FAT3: variants seen among roughly 807,000 people sequenced by gnomAD.
FAT3 encodes FAT atypical cadherin 3.
Under a neutral mutation model 310.2 loss-of-function variants are expected in FAT3, and 95 were observed. The ratio of observed to expected loss-of-function variants is 0.31; its 90% CI spans 0.26 to 0.36. FAT3 has a LOEUF of 0.36. Ranked by LOEUF, FAT3 falls within the 10% of genes least tolerant of loss-of-function variation. The pLI is 1.00. For synonymous variants in FAT3, 2,314 were observed against 2,192.9 expected, an observed-to-expected ratio of 1.06 and a Z score of -1.54; for missense variants, 5,408 against 5,715.6, an observed-to-expected ratio of 0.95 and a Z score of 1.74.
At position 92,467,824 on chromosome 11, in the gene FAT3, C is replaced by T. The variant is rs937671900; in HGVS notation, c.3293-56810C>T. On this transcript the variant is annotated intron_variant, in intron 2 of 27. Transcript: ENST00000525166. Reference sequence around the variant, plus strand: ...TGTTTCTCCAATCCTAGGACTGCAGCATTAACTTCCTTCTTCTATCCTGTA... The same window carrying T: ...TGTTTCTCCAATCCTAGGACTGCAGTATTAACTTCCTTCTTCTATCCTGTA... Among the ~76,000 whole-genome samples the T allele has an allele frequency of 7.2e-5, 11 of 152,318 alleles. No homozygotes were observed. The South Asian group carries it at 2.1e-3, about 29-fold the overall frequency.
chr11:92,732,149 T>G (rs888537544), intron 4 of FAT3, among the ~76,000 whole-genome samples: 1 of 152,208 alleles, frequency 6.6e-6, no homozygotes, highest in South Asian at 2.1e-4. Flanking sequence ...TTTCTTACGC[T>G]AGGTACTGTT....
chr11:92,641,455 G>A (rs1454392905), intron 3 of FAT3, among the ~76,000 whole-genome samples: 1 of 152,152 alleles, frequency 6.6e-6, no homozygotes, highest in Non-Finnish European at 1.5e-5. Context: ...GTTTCCGCAA[G>A]GCCATGCCCT....
intron 1 of FAT3, among the ~76,000 whole-genome samples, chr11:92,315,433 C>T (rs1217825464): frequency 6.9e-6 from 1 of 143,942 alleles, no homozygotes; most frequent in African/African-American, 2.6e-5. Context: ...TTAGTCAAAC[C>T]TCAGTGTGTG....
intron 3 of FAT3, among the ~76,000 whole-genome samples, chr11:92,696,962 AAGTT>A (rs1165729339): frequency 6.6e-6 from 1 of 152,216 alleles, no homozygotes; most frequent in Non-Finnish European, 1.5e-5. Flanking sequence ...GTGCATATAA[AAGTT>A]AAGTAAGAAA....
At chr11:92,757,548 G>T (rs904597349) in intron 4 of FAT3, among the ~76,000 whole-genome samples, 3 of 152,104 alleles carry the variant, frequency 2.0e-5, no homozygotes, top group Admixed American at 1.3e-4. Context: ...GAGGTTTCAG[G>T]CCTAACGTAT....
chr11:92,675,646 G>A (rs564022900), intron 3 of FAT3, among the ~76,000 whole-genome samples: 1 of 152,268 alleles, frequency 6.6e-6, no homozygotes, highest in Non-Finnish European at 1.5e-5. Flanking sequence ...TAATCATACT[G>A]TCTTAGGTTA....
In FAT3 at chr11:92,753,773, G is replaced by GGTGTGTGTGTGTGTGT. The variant is rs145467493; in HGVS notation, c.3670-8072_3670-8057dup. Among the ~76,000 whole-genome samples the GGTGTGTGTGTGTGTGT allele has an allele frequency of 1.1e-3, 138 of 127,884 alleles. 1 individual carries two copies. The highest frequency in any genetic ancestry group is 4.2e-3 in the African/African-American group (124 of 29,268). 83.9% of individuals were successfully genotyped at this position (127,884 alleles called of 152,430 possible). On this transcript the variant is annotated intron_variant, in intron 4 of 27. Coordinates refer to ENST00000525166, the MANE Select transcript of FAT3 (RefSeq NM_001367949.2). Reference sequence around the variant, plus strand: ...AAGAAGTCTTGGATAAAGAAACTGTGGTGTGTGTGTGTGTGTGTGTGTGTG... The same window carrying GGTGTGTGTGTGTGTGT: ...AAGAAGTCTTGGATAAAGAAACTGTGGTGTGTGTGTGTGTGTGTGTGTGTGTGTGTGTGTGTGTGTG...
At chr11:92,533,143 C>G (rs971686398) in intron 3 of FAT3, among the ~76,000 whole-genome samples, 1 of 152,104 alleles carries the variant, frequency 6.6e-6, no homozygotes, top group Non-Finnish European at 1.5e-5. Flanking sequence ...AAGCAATTCT[C>G]TTAGCCTCCC....
At chr11:92,263,617 A>AGG (rs1865645504) in intron 1 of FAT3, among the ~76,000 whole-genome samples, 1 of 145,606 alleles carries the variant, frequency 6.9e-6, no homozygotes, top group Non-Finnish European at 1.5e-5. Flanking sequence ...ATTTGAATAT[A>AGG]AGTGTGTGTG....
intron 1 of FAT3, among the ~76,000 whole-genome samples, chr11:92,311,073 T>A (rs984742158): frequency 6.6e-6 from 1 of 151,796 alleles, no homozygotes; most frequent in Non-Finnish European, 1.5e-5. Flanking sequence ...TGTGTACATA[T>A]ACACACACAC....
chr11:92,413,215 C>G (rs1184047171), intron 2 of FAT3, among the ~76,000 whole-genome samples: 1 of 152,062 alleles, frequency 6.6e-6, no homozygotes, highest in Non-Finnish European at 1.5e-5. Context: ...AACAAAGGAA[C>G]CCTTCTGTGT....
At chr11:92,496,155 C>G (rs760414757) in intron 2 of FAT3, among the ~76,000 whole-genome samples, 1 of 151,984 alleles carries the variant, frequency 6.6e-6, no homozygotes, top group African/African-American at 2.4e-5. Flanking sequence ...TCTTACCTAC[C>G]GAATGGACAA....
At chr11:92,399,649 G>C (rs1949965329) in intron 2 of FAT3, among the ~76,000 whole-genome samples, 1 of 152,152 alleles carries the variant, frequency 6.6e-6, no homozygotes, top group Non-Finnish European at 1.5e-5. Flanking sequence ...TATTTTCCAT[G>C]ACCCTTTATT....
chr11:92,587,754 C>T (rs963619648), intron 3 of FAT3, among the ~76,000 whole-genome samples: 1 of 151,822 alleles, frequency 6.6e-6, no homozygotes, highest in African/African-American at 2.4e-5. Flanking sequence ...TGCTAAAGGG[C>T]TAATATGGAA....
At chr11:92,779,121 A>T (rs1469031675) in intron 7 of FAT3, among the ~76,000 whole-genome samples, 1 of 152,108 alleles carries the variant, frequency 6.6e-6, no homozygotes, top group Non-Finnish European at 1.5e-5. Flanking sequence ...AATCACAAGG[A>T]GCATTGGCTG....
intron 2 of FAT3, among the ~76,000 whole-genome samples, chr11:92,369,458 A>C (rs144431166): frequency 2.2e-4 from 34 of 152,302 alleles, no homozygotes; most frequent in African/African-American, 8.2e-4. Context: ...CAAATGTTGC[A>C]AAGGACATAG....
At chr11:92,620,657 A>G (rs7952707) in intron 3 of FAT3, among the ~76,000 whole-genome samples, 1,756 of 152,172 alleles carry the variant, frequency 0.012, 40 homozygotes, top group African/African-American at 0.04. Flanking sequence ...ATTAAAAAAA[A>G]TTATATTTTT....
intron 7 of FAT3, among the ~76,000 whole-genome samples, chr11:92,787,293 A>G (rs2136148939): frequency 6.6e-6 from 1 of 152,220 alleles, no homozygotes; most frequent in African/African-American, 2.4e-5. Flanking sequence ...CTGTAGGAGA[A>G]GGGAATAGAG....
At position 92,623,363 on chromosome 11, in the gene FAT3, A is replaced by C. The variant is rs367694235; in HGVS notation, c.3608-74021A>C. ...CCTCTCTTGCCTCCTCTAATATCTT[A>C]ATGTTCAACACATAGCAGTACTCAT... is the stretch of plus-strand genomic sequence containing the variant. On this transcript the variant is annotated intron_variant, in intron 3 of 27. Transcript: ENST00000525166. Among the ~76,000 whole-genome samples the C allele has an allele frequency of 6.4e-4, 97 of 152,252 alleles. 1 individual carries two copies. In the South Asian group the frequency reaches 0.012, roughly 19 times the overall value.
Sources: gnomAD v4.1 joint callset for allele counts (sites outside exome capture counted in the v4.1 genomes callset) on GRCh38, gnomAD v4.1.1 for gene constraint, MANE v1.5 for transcripts, NCBI Gene and HGNC (gene_info 2026-07-23, HGNC 2026-07-21) for gene names.